The following LRRC56 variants were observed in gnomAD, a reference collection of about 807,000 sequenced individuals.
LRRC56 encodes leucine-rich repeat-containing protein 56.
In LRRC56, 41 loss-of-function variants were observed where a neutral mutation model predicts 47.8. That is an observed-to-expected ratio of 0.86 (90% CI 0.67 to 1.11). The LOEUF (loss-of-function observed/expected upper bound fraction) is 1.11. LRRC56 is among the 50% of genes most tolerant of loss of function. LRRC56 has a pLI of 0.00. For missense variants in LRRC56, 759 were observed against 704.2 expected, an observed-to-expected ratio of 1.08 and a Z score of -0.88; for synonymous variants, 387 against 311.2, an observed-to-expected ratio of 1.24 and a Z score of -2.56.
chr11:539,081 TTTG>T (rs765967814), intron 2 of LRRC56, among the ~76,000 whole-genome samples: 190 of 152,238 alleles, frequency 1.2e-3, no homozygotes, highest in Non-Finnish European at 2.1e-3. Flanking sequence ...TGCATCTTTG[TTTG>T]TTTGTTTGTT....
chr11:518,636 A>C, the LRRC56 span, among the ~76,000 whole-genome samples: 1 of 152,050 alleles, frequency 6.6e-6, no homozygotes, highest in African/African-American at 2.4e-5. Flanking sequence ...TGTTCACTTT[A>C]TTACTTGGAG....
At chr11:536,640 G>T (rs1851507209), upstream of LRRC56, among the ~76,000 whole-genome samples, 1 of 152,198 alleles carries the variant, frequency 6.6e-6, no homozygotes, top group South Asian at 2.1e-4. Flanking sequence ...CTGCAGTGGC[G>T]CGCGCCTGTA....
At chr11:550,629 A>G (rs1271829773) in intron 8 of LRRC56, among the ~76,000 whole-genome samples, 1 of 152,084 alleles carries the variant, frequency 6.6e-6, no homozygotes, top group Non-Finnish European at 1.5e-5. Flanking sequence ...CCAGCCCCAC[A>G]GGCCCCACAG....
Position 554,706 on chromosome 11 carries a change from C to T in LRRC56, c.*430C>T. 1 of 453,452 alleles carries T rather than the reference C, an allele frequency of 2.2e-6. No homozygotes were observed. Among genetic ancestry groups the T allele is most frequent in the Non-Finnish European group, 3.9e-6 (1 of 254,312 alleles). The allele number at this position is 453,452 out of a possible 1,614,324, so 28.1% of individuals were successfully genotyped here. On this transcript the variant is annotated 3_prime_UTR_variant, in exon 14 of 14. Coordinates refer to ENST00000270115, the MANE Select transcript of LRRC56 (RefSeq NM_198075.4). ...CCTAGGCCGCAGTGGCCCAAGGTCCCAGCTGCTCGCCTGAGGCCGCCGGGG... is the reference window on the plus strand; with the variant it reads ...CCTAGGCCGCAGTGGCCCAAGGTCCTAGCTGCTCGCCTGAGGCCGCCGGGG...
chr11:535,750 C>T (rs976799688), upstream of LRRC56, among the ~76,000 whole-genome samples: 5 of 152,110 alleles, frequency 3.3e-5, no homozygotes, highest in Non-Finnish European at 7.4e-5. Flanking sequence ...CGCGGCCTCT[C>T]GGGGTTGGGC....
the LRRC56 span, among the ~76,000 whole-genome samples, chr11:520,589 C>G: frequency 1.3e-5 from 2 of 152,090 alleles, no homozygotes; most frequent in Non-Finnish European, 2.9e-5. Context: ...AAAGTCCTGG[C>G]GTTACAGGCA....
the LRRC56 span, among the ~76,000 whole-genome samples, chr11:512,534 G>A: frequency 6.6e-6 from 1 of 152,078 alleles, no homozygotes; most frequent in East Asian, 1.9e-4. Context: ...GCCTGGCAAG[G>A]AGGTAACTTG....
intron 6 of LRRC56, among the ~76,000 whole-genome samples, chr11:546,377 A>G (rs1807012): frequency 0.38 from 57,956 of 151,610 alleles, 11,255 homozygotes; most frequent in African/African-American, 0.44. Flanking sequence ...GACCATACTG[A>G]CTAACATGGT....
At chr11:553,731 G>C (rs539500710) in intron 13 of LRRC56, among the ~76,000 whole-genome samples, 13 of 152,336 alleles carry the variant, frequency 8.5e-5, no homozygotes, top group African/African-American at 3.1e-4. Flanking sequence ...CCCAGGGCCA[G>C]AACCAGGCTT....
At chr11:534,876 C>T (rs1851363188), upstream of LRRC56, among the ~76,000 whole-genome samples, 1 of 152,212 alleles carries the variant, frequency 6.6e-6, no homozygotes. Flanking sequence ...GGGCAGCGCC[C>T]CGCACCCCCG....
upstream of LRRC56, chr11:533,757 G>C (rs747854581): frequency 7.4e-6 from 12 of 1,613,042 alleles, no homozygotes; most frequent in Middle Eastern, 1.6e-4. Flanking sequence ...CCAGCCTCAC[G>C]GGGTTCACCT....
Position 551,736 on chromosome 11 carries a change from C to A in LRRC56, c.882C>A (p.Pro294=). The A allele has an allele frequency of 2.5e-6, 4 of 1,611,700 alleles. No homozygotes were observed. Among genetic ancestry groups the A allele is most frequent in the Non-Finnish European group, 3.4e-6 (4 of 1,179,350 alleles). The change falls in exon 10 of 14, where the codon CCC becomes CCA. Residue 294 remains proline, a synonymous_variant. Transcript: ENST00000270115. ...AGTCCCGGGCCTCCAGGCCCTGGCC[C>A]TTCTCCCTGCTGGTCCGTGGGGGCC... ...ETQSRASRPW[P]FSLLVRGGPL...
the LRRC56 span, among the ~76,000 whole-genome samples, chr11:526,068 G>A: frequency 2.7e-4 from 41 of 151,522 alleles, no homozygotes; most frequent in South Asian, 1.7e-3. Flanking sequence ...TTAGCCGGGC[G>A]TGGTGGCAGG....
At chr11:532,272 C>CA in the LRRC56 span, 1 of 449,362 alleles carries the variant, frequency 2.2e-6, no homozygotes, top group Non-Finnish European at 4.1e-6. Flanking sequence ...ACTGTGATCC[C>CA]ATCTGTGCCC....
At chr11:523,093 A>G in the LRRC56 span, among the ~76,000 whole-genome samples, 2 of 152,052 alleles carry the variant, frequency 1.3e-5, no homozygotes, top group Non-Finnish European at 2.9e-5. Context: ...CAATGGCGCC[A>G]TCTCTGCTCA....
At chr11:516,383 C>A in the LRRC56 span, among the ~76,000 whole-genome samples, 1 of 151,654 alleles carries the variant, frequency 6.6e-6, no homozygotes. Context: ...ACAGAGCGAG[C>A]CTCCATCTCA....
Position 552,572 on chromosome 11 carries a change from C to T in LRRC56, c.1185C>T (p.Pro395=), listed in dbSNP as rs201756896. 9.4e-6 allele frequency: 15 copies of T among 1,601,868 alleles called. No homozygotes were observed. The Admixed American group carries it at 1.7e-4, about 18-fold the overall frequency. The change falls in exon 13 of 14, where the codon CCC becomes CCT. Residue 395 remains proline, a synonymous_variant. Coordinates refer to ENST00000270115, the MANE Select transcript of LRRC56 (RefSeq NM_198075.4). ...LRAWREHGVR[P]LPYRHPESQQ... is the part of the protein sequence containing the mutation. ...TCTCCTCCTCTCCCCACCCTAGCCC[C>T]CTCCCCTATAGGCACCCGGAGTCCC...
At position 551,281 on chromosome 11, in the gene LRRC56, G is replaced by T. The variant is rs1054027491; in HGVS notation, c.775G>T (p.Gly259Cys). The change falls in exon 9 of 14, where the codon GGC becomes TGC. Residue 259 changes from glycine to cysteine, a missense_variant. Coordinates refer to ENST00000270115, the MANE Select transcript of LRRC56 (RefSeq NM_198075.4). ...TGCGGTGAAGGAGGCCATCAAGAAGGGCAACGGCCTTCCCCCGCTGGGTAC... is the reference window on the plus strand; with the variant it reads ...TGCGGTGAAGGAGGCCATCAAGAAGTGCAACGGCCTTCCCCCGCTGGGTAC... ...WLAVKEAIKKGNGLPPLDCPR... is the reference protein window; with the variant it reads ...WLAVKEAIKKCNGLPPLDCPR... The T allele has an allele frequency of 6.5e-7, 1 of 1,531,750 alleles. No homozygotes were observed. The highest frequency in any genetic ancestry group is 2.0e-5 in the Admixed American group (1 of 50,178). The allele number at this position is 1,531,750 out of a possible 1,614,324, so 94.9% of individuals were successfully genotyped here. A position where few individuals can be genotyped will look rare whatever the true frequency, so the allele number is the denominator to read the frequency against.
chr11:506,944 G>C, the LRRC56 span: 1 of 152,216 alleles, frequency 6.6e-6, no homozygotes, highest in South Asian at 2.1e-4. Context: ...GCCCCGCCTC[G>C]ATAGCCCCGG....
Sources: gnomAD v4.1 joint callset for allele counts (sites outside exome capture counted in the v4.1 genomes callset) on GRCh38, gnomAD v4.1.1 for gene constraint, MANE v1.5 for transcripts, NCBI Gene and HGNC (gene_info 2026-07-23, HGNC 2026-07-21) for gene names.